Variants in DNAH8 observed in about 807,000 individuals in gnomAD.
DNAH8 encodes the protein axonemal beta dynein heavy chain 8.
Under a neutral mutation model 562.1 loss-of-function variants are expected in DNAH8, and 382 were observed. That is an observed-to-expected ratio of 0.68 (90% CI 0.63 to 0.74). The LOEUF is 0.74. Among genes scored for constraint, DNAH8 ranks in the 30% least tolerant of loss-of-function variants. The probability of loss-of-function intolerance (pLI) is 0.00; values close to 1 mark genes in which losing one functional copy is unlikely to be tolerated. For synonymous variants in DNAH8, 1,881 were observed against 1,919.4 expected (o/e 0.98, Z 0.52); for missense variants, 5,203 against 5,620.4 (o/e 0.93, Z 2.37).
At chr6:38,730,838 G>A (rs1346990787) in intron 4 of DNAH8, among the ~76,000 whole-genome samples, 1 of 152,076 alleles carries the variant, frequency 6.6e-6, no homozygotes, top group Non-Finnish European at 1.5e-5. Context: ...CTGCATACTA[G>A]AGTTATTTCT....
chr6:38,790,827 A>G lies in DNAH8; in HGVS notation c.2781+422A>G, dbSNP rs555202105. ...GACAGGGCAAGACTCCGTCTAAAAAAAAAAAAAACAAAACAAAAAACTTTA... is the reference window on the plus strand; with the variant it reads ...GACAGGGCAAGACTCCGTCTAAAAAGAAAAAAAACAAAACAAAAAACTTTA... On this transcript the variant is annotated intron_variant, in intron 20 of 92. Coordinates refer to ENST00000327475, the MANE Select transcript of DNAH8 (RefSeq NM_001206927.2). Among the ~76,000 whole-genome samples the G allele has an allele frequency of 2.3e-4, 35 of 152,104 alleles. No homozygotes were observed. In the East Asian group the frequency reaches 6.6e-3, roughly 29 times the overall value.
intron 83 of DNAH8, among the ~76,000 whole-genome samples, chr6:38,972,922 G>A (rs1211818963): frequency 1.3e-5 from 2 of 152,046 alleles, no homozygotes; most frequent in Admixed American, 1.3e-4. Context: ...TTGTATTTTC[G>A]CTTACAGTTG....
chr6:38,802,454 A>G (rs576971918), intron 21 of DNAH8, among the ~76,000 whole-genome samples: 1 of 152,340 alleles, frequency 6.6e-6, no homozygotes, highest in South Asian at 2.1e-4. Context: ...GCATGTCAAA[A>G]GACTTATTGA....
chr6:39,014,150 A>G (rs913872973), intron 91 of DNAH8, among the ~76,000 whole-genome samples: 1 of 152,186 alleles, frequency 6.6e-6, no homozygotes, highest in Non-Finnish European at 1.5e-5. Context: ...AACACTAACC[A>G]TGGTGATTTC....
chr6:38,994,649 C>CTT (rs5875650), intron 88 of DNAH8, among the ~76,000 whole-genome samples: 8 of 119,730 alleles, frequency 6.7e-5, no homozygotes, highest in African/African-American at 1.8e-4. Flanking sequence ...CTTTTTTTTT[C>CTT]TTTTTTTTTT....
intron 24 of DNAH8, among the ~76,000 whole-genome samples, chr6:38,808,118 T>G (rs1360181348): frequency 6.6e-6 from 1 of 152,242 alleles, no homozygotes; most frequent in Non-Finnish European, 1.5e-5. Flanking sequence ...GGGTATAGTT[T>G]TTTACACTTC....
rs1395516781 is a variant in DNAH8 at position 38,872,573 on chromosome 6, C to A, written c.7028C>A (p.Thr2343Asn). 4 of 1,614,020 alleles carry A rather than the reference C, an allele frequency of 2.5e-6. No individual in the cohort carries two copies. Among genetic ancestry groups the A allele is most frequent in the Non-Finnish European group, 3.4e-6 (4 of 1,179,938 alleles). The change falls in exon 50 of 93, where the codon ACT becomes AAT. Residue 2343 changes from threonine to asparagine, a missense_variant. By Grantham distance (65) the Thr-to-Asn change is moderately conservative. Transcript: ENST00000327475. ...TCTTTGGTACGGCATGGCTTGATGA[C>A]TCTTGGGCCCAGTGGTTCTGGAAAG... ...ETSLVRHGLM[T>N]LGPSGSGKTT...
chr6:38,959,112 A>G (rs1231739692), intron 82 of DNAH8, among the ~76,000 whole-genome samples: 1 of 152,302 alleles, frequency 6.6e-6, no homozygotes, highest in African/African-American at 2.4e-5. Flanking sequence ...CTAATTAGGT[A>G]TGAAGGAATG....
intron 26 of DNAH8, among the ~76,000 whole-genome samples, chr6:38,815,894 A>G (rs1468383825): frequency 6.6e-6 from 1 of 152,078 alleles, no homozygotes; most frequent in African/African-American, 2.4e-5. Flanking sequence ...CCTTAGCACT[A>G]ATTTTACTTT....
At chr6:38,874,068 T>TTCTTTCTTTCTTTCTCTC (rs377254876) in intron 52 of DNAH8, among the ~76,000 whole-genome samples, 1 of 57,062 alleles carries the variant, frequency 1.8e-5, no homozygotes, top group Non-Finnish European at 3.5e-5. Context: ...CTTTCTTTCT[T>TTCTTTCTTTCTTTCTCTC]TTTCTTTCTT....
At chr6:38,829,895 C>T (rs1401938218) in intron 30 of DNAH8, among the ~76,000 whole-genome samples, 1 of 152,144 alleles carries the variant, frequency 6.6e-6, no homozygotes, top group Admixed American at 6.5e-5. Context: ...TCTATTTAAA[C>T]AACAACTCTC....
intron 76 of DNAH8, among the ~76,000 whole-genome samples, chr6:38,935,391 C>A (rs1426714665): frequency 6.6e-6 from 1 of 152,092 alleles, no homozygotes; most frequent in Non-Finnish European, 1.5e-5. Flanking sequence ...ACCTTAATGA[C>A]AGTAGGCATA....
chr6:38,990,589 G>A lies in DNAH8; in HGVS notation c.13214+417G>A, dbSNP rs535085894. Among the ~76,000 whole-genome samples the A allele has an allele frequency of 3.9e-5, 6 of 152,218 alleles. No homozygotes were observed. The South Asian group carries it at 1.0e-3, about 26-fold the overall frequency. ...AGAACAGATGGGAGGGTGAAGAATCGTATTTCTGCCTGGTCCTCTCTTTCA... is the reference window on the plus strand; with the variant it reads ...AGAACAGATGGGAGGGTGAAGAATCATATTTCTGCCTGGTCCTCTCTTTCA... On this transcript the variant is annotated intron_variant, in intron 88 of 92. Transcript: ENST00000327475.
rs1260619082 is a variant in DNAH8, at chr6:38,779,991, C to A, written c.2065C>A (p.Leu689Met). The change falls in exon 15 of 93, where the codon CTG becomes ATG. Residue 689 changes from leucine (L) to methionine (M), a missense_variant. This residue lies in a region of DNAH8 where 2,176 missense variants were observed against 2,365.1 expected (regional missense o/e 0.92). Transcript: ENST00000327475. ...GTTTCAGAAGCTGAACATTCCCTGT[C>A]TGGGATTAGAAATAAACCACACAAT... is the stretch of plus-strand genomic sequence containing the variant. ...QRFQKLNIPC[L>M]GLEINHTIER... 1 of 1,613,982 alleles carries A rather than the reference C, an allele frequency of 6.2e-7. No individual in the cohort carries two copies. Among genetic ancestry groups the A allele is most frequent in the African/African-American group, 1.3e-5 (1 of 75,036 alleles).
chr6:38,809,209 T>G (rs892097978), intron 24 of DNAH8, among the ~76,000 whole-genome samples: 12 of 152,350 alleles, frequency 7.9e-5, no homozygotes, highest in Admixed American at 3.3e-4. Flanking sequence ...AAATGTCTTT[T>G]GTCAGTTTTG....
intron 33 of DNAH8, among the ~76,000 whole-genome samples, chr6:38,841,909 T>G (rs556744854): frequency 1.3e-5 from 2 of 152,206 alleles, no homozygotes; most frequent in African/African-American, 2.4e-5. Context: ...CTGGTAGGAA[T>G]AGGGTGTTTA....
intron 85 of DNAH8, among the ~76,000 whole-genome samples, chr6:38,979,847 A>C (rs1763913773): frequency 6.6e-6 from 1 of 152,232 alleles, no homozygotes; most frequent in African/African-American, 2.4e-5. Context: ...TTAAAATTTA[A>C]AAATTAAATC....
At chr6:38,996,158 A>G (rs1249132535) in intron 88 of DNAH8, among the ~76,000 whole-genome samples, 2 of 152,060 alleles carry the variant, frequency 1.3e-5, no homozygotes, top group Non-Finnish European at 2.9e-5. Flanking sequence ...CATGACTTTA[A>G]TAGCATCACC....
At chr6:38,962,207 A>G (rs567549634) in intron 82 of DNAH8, among the ~76,000 whole-genome samples, 3 of 152,232 alleles carry the variant, frequency 2.0e-5, no homozygotes, top group East Asian at 1.9e-4. Flanking sequence ...AAAGATGTCA[A>G]TATTTCCTAA....
Sources: allele counts gnomAD v4.1 joint callset (sites outside exome capture counted in the v4.1 genomes callset), GRCh38; gene constraint gnomAD v4.1.1; regional missense constraint gnomAD v4.1.1; transcripts MANE v1.5; gene names NCBI Gene and HGNC (gene_info 2026-07-23, HGNC 2026-07-21).